The following SNTB2 variants were observed in gnomAD, a reference collection of about 807,000 sequenced individuals.
SNTB2 encodes the protein syntrophin beta 2.
SNTB2 carries 34 observed loss-of-function variants against 46.2 expected under a neutral mutation model. That is an observed-to-expected ratio of 0.74 (90% CI 0.56 to 0.98). The LOEUF (loss-of-function observed/expected upper bound fraction) is 0.98. SNTB2 is among the 50% of genes least tolerant of loss of function. The pLI is 0.00. For missense variants in SNTB2, 603 were observed against 731.4 expected, an observed-to-expected ratio of 0.82 and a Z score of 2.02; for synonymous variants, 290 against 312.6, an observed-to-expected ratio of 0.93 and a Z score of 0.76.
chr16:69,291,438 G>T (rs1054641010), intron 5 of SNTB2, among the ~76,000 whole-genome samples: 18 of 152,270 alleles, frequency 1.2e-4, no homozygotes, highest in Admixed American at 3.3e-4. Context: ...TTGGCCCAGC[G>T]CTGTGGCTTA....
intron 3 of SNTB2, among the ~76,000 whole-genome samples, chr16:69,263,267 A>T (rs1269786070): frequency 1.3e-5 from 2 of 151,716 alleles, no homozygotes; most frequent in Non-Finnish European, 2.9e-5. Context: ...CCACCACACC[A>T]AGCTAATTTT....
At chr16:69,253,444 T>A (rs1416344969) in intron 2 of SNTB2, among the ~76,000 whole-genome samples, 2 of 151,114 alleles carry the variant, frequency 1.3e-5, no homozygotes, top group African/African-American at 4.9e-5. Flanking sequence ...GGTCAGGAGA[T>A]CGAGACCATC....
Position 69,270,176 on chromosome 16 carries a change from C to T in SNTB2, c.1039C>T (p.Pro347Ser), listed in dbSNP as rs1262656918. The change falls in exon 4 of 7, where the codon CCT becomes TCT. Residue 347 changes from proline to serine, a missense_variant. By Grantham distance (74) the Pro-to-Ser change is moderately conservative. Around this residue, in one of 2 missense-constraint regions of SNTB2, gnomAD observed 537 missense variants for 692.4 expected, o/e 0.78. Coordinates refer to ENST00000336278, the MANE Select transcript of SNTB2 (RefSeq NM_006750.4). ...KLDGGRQQWR[P>S]VLMAVTEKDL... is the part of the protein sequence containing the mutation. ...AGATGGTGGAAGACAGCAATGGAGA[C>T]CTGTCCTCATGGCTGTGACTGAGAA... 6.2e-7 allele frequency: 1 copy of T among 1,613,988 alleles called. No individual in the cohort carries two copies. The highest frequency in any genetic ancestry group is 1.3e-5 in the African/African-American group (1 of 74,890).
chr16:69,299,797 T>A (rs776258708), intron 6 of SNTB2, 23 bp downstream of exon 6: 1 of 1,605,932 alleles, frequency 6.2e-7, no homozygotes, highest in Non-Finnish European at 8.5e-7. Context: ...CTGAAACACA[T>A]GTTTATCTAA....
chr16:69,212,328 GTATT>G (rs71254073), intron 1 of SNTB2, among the ~76,000 whole-genome samples: 9 of 150,910 alleles, frequency 6.0e-5, no homozygotes, highest in South Asian at 2.1e-4. Context: ...CTTTGTGTTT[GTATT>G]TATTTATTTA....
At chr16:69,210,456 T>A (rs1212618085) in intron 1 of SNTB2, among the ~76,000 whole-genome samples, 2 of 152,058 alleles carry the variant, frequency 1.3e-5, no homozygotes, top group African/African-American at 4.8e-5. Flanking sequence ...CAGGCTGTTC[T>A]TGAACTCCTG....
chr16:69,199,810 A>G (rs1597169416), intron 1 of SNTB2, among the ~76,000 whole-genome samples: 1 of 152,230 alleles, frequency 6.6e-6, no homozygotes, highest in East Asian at 1.9e-4. Flanking sequence ...AAAGTTTAAG[A>G]CTTAGATGCC....
chr16:69,268,603 G>A (rs759176088), intron 3 of SNTB2, among the ~76,000 whole-genome samples: 2 of 152,162 alleles, frequency 1.3e-5, no homozygotes, highest in Non-Finnish European at 2.9e-5. Flanking sequence ...GTTGGCTCAC[G>A]CCTGTAATCC....
intron 1 of SNTB2, among the ~76,000 whole-genome samples, chr16:69,203,060 C>T (rs1375475760): frequency 6.6e-6 from 1 of 151,576 alleles, no homozygotes; most frequent in Non-Finnish European, 1.5e-5. Flanking sequence ...CTCTTGTTGC[C>T]CAGGCTAGAG....
At chr16:69,280,229 A>C (rs1356200919) in intron 4 of SNTB2, among the ~76,000 whole-genome samples, 1 of 152,252 alleles carries the variant, frequency 6.6e-6, no homozygotes, top group Non-Finnish European at 1.5e-5. Flanking sequence ...TTCTTAGTAC[A>C]GAACAAAATG....
Position 69,245,807 on chromosome 16 carries a change from G to A in SNTB2, c.786G>A (p.Leu262=), listed in dbSNP as rs1472029738. The stretch of plus-strand genomic sequence containing the variant: ...CTAGAAACCTAAGCATGCCGGATCT[G>A]GAAAACAGGTGAGGTGTACCTAACA... ...FAARNLSMPD[L]ENRLIELHSP... The change falls in exon 2 of 7, where the codon CTG becomes CTA. Residue 262 remains leucine, a synonymous_variant. Coordinates refer to ENST00000336278, the MANE Select transcript of SNTB2 (RefSeq NM_006750.4). 1 of 1,613,942 alleles carries A rather than the reference G, an allele frequency of 6.2e-7. No homozygotes were observed. Among genetic ancestry groups the A allele is most frequent in the Non-Finnish European group, 8.5e-7 (1 of 1,179,940 alleles).
At chr16:69,253,763 C>T (rs1457910702) in intron 2 of SNTB2, among the ~76,000 whole-genome samples, 1 of 152,104 alleles carries the variant, frequency 6.6e-6, no homozygotes, top group East Asian at 1.9e-4. Flanking sequence ...TTTAATCAGG[C>T]TTAGTTTTAT....
At chr16:69,198,536 C>A (rs1008064825) in intron 1 of SNTB2, among the ~76,000 whole-genome samples, 1 of 152,184 alleles carries the variant, frequency 6.6e-6, no homozygotes, top group African/African-American at 2.4e-5. Flanking sequence ...CTACCACTTA[C>A]ATGTTTCCTC....
intron 2 of SNTB2, among the ~76,000 whole-genome samples, chr16:69,251,521 G>A (rs1422618526): frequency 6.8e-6 from 1 of 147,892 alleles, no homozygotes; most frequent in Non-Finnish European, 1.5e-5. Flanking sequence ...GCTGACGCCT[G>A]TAATCCCAGC....
In SNTB2 at chr16:69,302,027, G is replaced by T. The variant is rs1464861239; in HGVS notation, c.*1103G>T. 1 of 152,120 alleles carries T rather than the reference G, an allele frequency of 6.6e-6. No individual in the cohort carries two copies. The highest frequency in any genetic ancestry group is 1.9e-4 in the East Asian group (1 of 5,180). 9.4% of individuals were successfully genotyped at this position (152,120 alleles called of 1,614,324 possible). A position where few individuals can be genotyped will look rare whatever the true frequency, so the allele number is the denominator to read the frequency against. On this transcript the variant is annotated 3_prime_UTR_variant, in exon 7 of 7. Coordinates refer to ENST00000336278, the MANE Select transcript of SNTB2 (RefSeq NM_006750.4). ...CAAACGTCATGTTGAATTGTTTTGG[G>T]CTGCCCAAAAACAACAGGATGCAGC...
chr16:69,298,020 C>T (rs913918189), intron 5 of SNTB2, among the ~76,000 whole-genome samples: 1 of 152,164 alleles, frequency 6.6e-6, no homozygotes, highest in African/African-American at 2.4e-5. Flanking sequence ...CTCACTGCAG[C>T]CTTGAACTCC....
intron 1 of SNTB2, among the ~76,000 whole-genome samples, chr16:69,204,882 A>G (rs995431520): frequency 6.6e-6 from 1 of 152,214 alleles, no homozygotes; most frequent in African/African-American, 2.4e-5. Flanking sequence ...GAATGCACTC[A>G]TGGAAGTGAA....
intron 3 of SNTB2, among the ~76,000 whole-genome samples, chr16:69,263,867 AT>A (rs910168572): frequency 5.4e-4 from 78 of 145,116 alleles, no homozygotes; most frequent in Non-Finnish European, 5.6e-4. Context: ...AATAAATGTA[AT>A]TTTTTTTTTT....
Position 69,302,718 on chromosome 16 carries a change from C to G in SNTB2, c.*1794C>G, listed in dbSNP as rs561552476. On this transcript the variant is annotated 3_prime_UTR_variant, in exon 7 of 7. Transcript: ENST00000336278. ...ATATGCAGAGGTTGGGGAGAGATGC[C>G]TGTTCTTCCCCCAGCTTCATATAAT... The G allele has an allele frequency of 6.6e-6, 1 of 152,308 alleles. No individual in the cohort carries two copies. The highest frequency in any genetic ancestry group is 2.1e-4 in the South Asian group (1 of 4,824). 9.4% of individuals were successfully genotyped at this position (152,308 alleles called of 1,614,324 possible).
Sources: gnomAD v4.1 joint callset for allele counts (sites outside exome capture counted in the v4.1 genomes callset) on GRCh38, gnomAD v4.1.1 for gene constraint, gnomAD v4.1.1 regional missense constraint, MANE v1.5 for transcripts, NCBI Gene and HGNC (gene_info 2026-07-23, HGNC 2026-07-21) for gene names.